The following MTMR9 variants were observed in gnomAD, a reference collection of about 807,000 sequenced individuals.
MTMR9 encodes myotubularin related protein 9.
MTMR9 carries 39 observed loss-of-function variants against 69.5 expected under a neutral mutation model. The observed-to-expected ratio is 0.56, with a 90% CI of 0.43 to 0.73. MTMR9 has a LOEUF of 0.73. Ranked by LOEUF, MTMR9 falls within the 30% of genes least tolerant of loss-of-function variation. The pLI is 0.00. For missense variants in MTMR9, 900 were observed against 671.2 expected, an observed-to-expected ratio of 1.34 and a Z score of -3.77; for synonymous variants, 354 against 240.8, an observed-to-expected ratio of 1.47 and a Z score of -4.35.
chr8:11,290,652 T>C (rs1326987960), intron 1 of MTMR9, among the ~76,000 whole-genome samples: 1 of 152,166 alleles, frequency 6.6e-6, no homozygotes, highest in Non-Finnish European at 1.5e-5. Flanking sequence ...TTTTTCTCCA[T>C]AGAGCAAGCC....
intron 3 of MTMR9, chr8:11,300,536 AGAAAG>A (rs1799714179): frequency 6.6e-6 from 1 of 152,650 alleles, no homozygotes; most frequent in African/African-American, 2.4e-5. Context: ...AATTTTTACT[AGAAAG>A]GAAAGTCTAA....
In MTMR9 at chr8:11,285,163, C is replaced by T. The variant is rs555246751; in HGVS notation, c.182+93C>T. On this transcript the variant is annotated intron_variant, in intron 1 of 9. Transcript: ENST00000221086. ...TTCCTGGCGTTTTCCGCGCAGCCTG[C>T]CGCCCAGCTAGCCGGCAAGATGAGC... The T allele has an allele frequency of 4.7e-6, 6 of 1,288,604 alleles. No individual in the cohort carries two copies. In the East Asian group the frequency reaches 7.8e-5, roughly 17 times the overall value. 79.8% of individuals were successfully genotyped at this position (1,288,604 alleles called of 1,614,324 possible).
the MTMR9 span, among the ~76,000 whole-genome samples, chr8:11,335,792 A>C: frequency 2.6e-5 from 4 of 152,296 alleles, no homozygotes; most frequent in South Asian, 8.3e-4. Context: ...CCCTGTGTGC[A>C]TGTCTCTGTG....
rs966593780 is a variant in MTMR9, at chr8:11,324,152, A to G, written c.*1364A>G. ...TAACCATTTCGGTAGAGAACACACTACACTGAACCCTGCTTTAGAGCTGTG... is the reference window on the plus strand; with the variant it reads ...TAACCATTTCGGTAGAGAACACACTGCACTGAACCCTGCTTTAGAGCTGTG... On this transcript the variant is annotated 3_prime_UTR_variant, in exon 10 of 10. Transcript: ENST00000221086. The G allele has an allele frequency of 6.6e-6, 1 of 152,216 alleles. No individual in the cohort carries two copies. The highest frequency in any genetic ancestry group is 6.5e-5 in the Admixed American group (1 of 15,286). 9.4% of individuals were successfully genotyped at this position (152,216 alleles called of 1,614,324 possible). A position where few individuals can be genotyped will look rare whatever the true frequency, so the allele number is the denominator to read the frequency against.
chr8:11,338,786 C>G, the MTMR9 span, among the ~76,000 whole-genome samples: 62,684 of 152,098 alleles, frequency 0.41, 14,560 homozygotes, highest in East Asian at 0.74. Context: ...GGATTGAAGA[C>G]AGGTAGTTCC....
At position 11,305,270 on chromosome 8, in the gene MTMR9, A is replaced by G. The variant is rs148895248; in HGVS notation, c.591+256A>G. Reference sequence around the variant, plus strand: ...TAGCTTTATCTCCAGGACACTATACAAAGGAAACTAGTGTTTATTTGATGC... The same window carrying G: ...TAGCTTTATCTCCAGGACACTATACGAAGGAAACTAGTGTTTATTTGATGC... On this transcript the variant is annotated intron_variant, in intron 4 of 9. Transcript: ENST00000221086. Among the ~76,000 whole-genome samples the G allele has an allele frequency of 1.4e-4, 22 of 152,340 alleles. 1 individual carries two copies. The East Asian group carries it at 3.9e-3, about 27-fold the overall frequency.
chr8:11,333,881 G>T, the MTMR9 span, among the ~76,000 whole-genome samples: 8 of 152,224 alleles, frequency 5.3e-5, no homozygotes, highest in African/African-American at 1.9e-4. Flanking sequence ...CATTGTGATG[G>T]TATTAAGAGG....
intron 1 of MTMR9, among the ~76,000 whole-genome samples, chr8:11,286,266 C>T (rs1799151853): frequency 6.6e-6 from 1 of 150,906 alleles, no homozygotes; most frequent in Non-Finnish European, 1.5e-5. Context: ...ATAAAAATTT[C>T]TAATGGTAGA....
rs1366719495 is a variant in MTMR9 at position 11,325,553 on chromosome 8, A to G, written c.*2765A>G. Reference sequence around the variant, plus strand: ...ATGTGGAGTGAAAGCTGGTTTTTATACAGGAGATACGTAAAGTAGGCCCCA... The same window carrying G: ...ATGTGGAGTGAAAGCTGGTTTTTATGCAGGAGATACGTAAAGTAGGCCCCA... On this transcript the variant is annotated 3_prime_UTR_variant, in exon 10 of 10. Coordinates refer to ENST00000221086, the MANE Select transcript of MTMR9 (RefSeq NM_015458.4). The G allele has an allele frequency of 1.3e-5, 2 of 152,206 alleles. No homozygotes were observed. The highest frequency in any genetic ancestry group is 1.3e-4 in the Admixed American group (2 of 15,286). The allele number at this position is 152,206 out of a possible 1,614,324, so 9.4% of individuals were successfully genotyped here.
chr8:11,318,892 T>G (rs1800540981), intron 8 of MTMR9: 2 of 152,016 alleles, frequency 1.3e-5, no homozygotes, highest in Non-Finnish European at 1.5e-5. Context: ...CTTTTAATAT[T>G]AGTATGGGCG....
the MTMR9 span, among the ~76,000 whole-genome samples, chr8:11,336,219 A>T: frequency 6.6e-6 from 1 of 152,208 alleles, no homozygotes; most frequent in African/African-American, 2.4e-5. Context: ...CAGTGGCAGT[A>T]GCCAGATTGG....
chr8:11,293,874 T>C (rs116180795), intron 1 of MTMR9, among the ~76,000 whole-genome samples: 1,566 of 152,336 alleles, frequency 0.01, 20 homozygotes, highest in African/African-American at 0.035. Context: ...GATCTATTTC[T>C]GGACTCTTTT....
chr8:11,306,744 A>G (rs1317602116), intron 5 of MTMR9, among the ~76,000 whole-genome samples: 2 of 152,224 alleles, frequency 1.3e-5, no homozygotes, highest in African/African-American at 4.8e-5. Context: ...TCAAGCATAC[A>G]ATATATTAGT....
chr8:11,335,511 A>G, the MTMR9 span, among the ~76,000 whole-genome samples: 1 of 152,354 alleles, frequency 6.6e-6, no homozygotes, highest in Non-Finnish European at 1.5e-5. Context: ...TCTAGATTCC[A>G]TGCAATCTCA....
intron 6 of MTMR9, among the ~76,000 whole-genome samples, chr8:11,311,441 A>G (rs1170480816): frequency 6.6e-6 from 1 of 152,244 alleles, no homozygotes; most frequent in Admixed American, 6.5e-5. Context: ...CAGTAAAGCA[A>G]GTCATGCAAT....
rs1434505954 is a variant in MTMR9 at position 11,324,025 on chromosome 8, T to C, written c.*1237T>C. 6.6e-6 allele frequency: 1 copy of C among 152,214 alleles called. No homozygotes were observed. Among genetic ancestry groups the C allele is most frequent in the African/African-American group, 2.4e-5 (1 of 41,460 alleles). The allele number at this position is 152,214 out of a possible 1,614,324, so 9.4% of individuals were successfully genotyped here. Reference sequence around the variant, plus strand: ...CAGTATTTCCCACCTACATTTCTGTTTGGTGACATTGCTCATTTTAACAAA... The same window carrying C: ...CAGTATTTCCCACCTACATTTCTGTCTGGTGACATTGCTCATTTTAACAAA... On this transcript the variant is annotated 3_prime_UTR_variant, in exon 10 of 10. Transcript: ENST00000221086.
chr8:11,331,104 A>G (rs1406860431), downstream of MTMR9: 1 of 1,587,420 alleles, frequency 6.3e-7, no homozygotes, highest in South Asian at 1.2e-5. Flanking sequence ...AGTCCAAGGA[A>G]AGATGGCTGG....
At chr8:11,317,089 G>T (rs554087385) in intron 8 of MTMR9, 196 bp downstream of exon 8, 33 of 397,948 alleles carry the variant, frequency 8.3e-5, no homozygotes, top group South Asian at 7.4e-4. Flanking sequence ...ACTTTGTTCT[G>T]TTAGGTTAAA....
rs1357868750 is a variant in MTMR9 at position 11,327,798 on chromosome 8, T to C, written c.*5010T>C. Reference sequence around the variant, plus strand: ...GAGTGCTGTAAGGTACAGGTTTCCATATTGTGAACCTGTGTACGCACACAC... The same window carrying C: ...GAGTGCTGTAAGGTACAGGTTTCCACATTGTGAACCTGTGTACGCACACAC... On this transcript the variant is annotated 3_prime_UTR_variant, in exon 10 of 10. Transcript: ENST00000221086. 6.6e-6 allele frequency: 1 copy of C among 152,584 alleles called. No individual in the cohort carries two copies. The highest frequency in any genetic ancestry group is 2.4e-5 in the African/African-American group (1 of 41,422). 9.5% of individuals were successfully genotyped at this position (152,584 alleles called of 1,614,324 possible). A position where few individuals can be genotyped will look rare whatever the true frequency, so the allele number is the denominator to read the frequency against.
Sources: allele counts gnomAD v4.1 joint callset (sites outside exome capture counted in the v4.1 genomes callset), GRCh38; gene constraint gnomAD v4.1.1; transcripts MANE v1.5; gene names NCBI Gene and HGNC (gene_info 2026-07-23, HGNC 2026-07-21).